Variants in OTULIN observed in about 807,000 individuals in gnomAD.
The protein encoded by OTULIN is ubiquitin thioesterase otulin.
A neutral mutation model predicts 39.6 loss-of-function variants in OTULIN; 15 were observed. The observed-to-expected ratio is 0.38, with a 90% CI of 0.25 to 0.58. OTULIN has a LOEUF of 0.58. OTULIN is among the 20% of genes least tolerant of loss of function. The pLI is 0.66. For missense variants in OTULIN, 319 were observed against 445.9 expected (o/e 0.72, Z 2.56); for synonymous variants, 156 against 170.3 (o/e 0.92, Z 0.65).
chr5:14,676,324 A>G (rs1285790039), intron 2 of OTULIN, among the ~76,000 whole-genome samples: 3 of 152,200 alleles, frequency 2.0e-5, no homozygotes, highest in Admixed American at 2.0e-4. Flanking sequence ...AACTAAAGAA[A>G]GTTGCTTTTG....
chr5:14,687,263 G>T (rs1227016347), intron 4 of OTULIN, among the ~76,000 whole-genome samples: 2 of 152,154 alleles, frequency 1.3e-5, no homozygotes, highest in Non-Finnish European at 2.9e-5. Context: ...CGTGGTTGGA[G>T]TCCTGCAAGG....
In OTULIN at chr5:14,666,165, T is replaced by G. The variant is rs558902170; in HGVS notation, c.152+1188T>G. Among the ~76,000 whole-genome samples the G allele has an allele frequency of 3.0e-3, 459 of 152,376 alleles. 1 individual carries two copies. Among genetic ancestry groups the G allele is most frequent in the Non-Finnish European group, 5.4e-3 (366 of 68,044 alleles). ...TTAATGCCCTGTCTCACGTGCTGCA[T>G]GCACCTCGGCCCCAGCTGTGTCATG... On this transcript the variant is annotated intron_variant, in intron 1 of 6. Coordinates refer to ENST00000284274, the MANE Select transcript of OTULIN (RefSeq NM_138348.6).
In OTULIN at chr5:14,696,700, G is replaced by A. The variant is rs998664609; in HGVS notation, c.*3652G>A. The A allele has an allele frequency of 6.6e-6, 1 of 151,956 alleles. No homozygotes were observed. The highest frequency in any genetic ancestry group is 1.5e-5 in the Non-Finnish European group (1 of 68,022). The allele number at this position is 151,956 out of a possible 1,614,324, so 9.4% of individuals were successfully genotyped here. A position where few individuals can be genotyped will look rare whatever the true frequency, so the allele number is the denominator to read the frequency against. The stretch of plus-strand genomic sequence containing the variant: ...GAATAAAAATCTGAATGAATGGAAG[G>A]CCTTACGTGTATACAGTTTACAAAT... On this transcript the variant is annotated 3_prime_UTR_variant, in exon 7 of 7. Coordinates refer to ENST00000284274, the MANE Select transcript of OTULIN (RefSeq NM_138348.6).
intron 4 of OTULIN, 54 bp from the exon 5 acceptor site, chr5:14,687,467 T>C: frequency 6.3e-7 from 1 of 1,580,002 alleles, no homozygotes; most frequent in Non-Finnish European, 8.6e-7. Context: ...GATTGTGTGG[T>C]GGATTTCTTG....
In OTULIN at chr5:14,698,068, A is replaced by G. The variant is rs1190399058; in HGVS notation, c.*5020A>G. ...AGTATTTGATAAAGGAACAAAGTCA[A>G]AATGAATGTATTTAATAAGCTTCTT... On this transcript the variant is annotated 3_prime_UTR_variant, in exon 7 of 7. Coordinates refer to ENST00000284274, the MANE Select transcript of OTULIN (RefSeq NM_138348.6). The G allele has an allele frequency of 2.6e-5, 4 of 152,256 alleles. No homozygotes were observed. Among genetic ancestry groups the G allele is most frequent in the African/African-American group, 9.6e-5 (4 of 41,472 alleles). 9.4% of individuals were successfully genotyped at this position (152,256 alleles called of 1,614,324 possible).
At chr5:14,707,516 GGA>G in the OTULIN span, 1 of 152,188 alleles carries the variant, frequency 6.6e-6, no homozygotes, top group Non-Finnish European at 1.5e-5. Flanking sequence ...ATTCCAACCA[GGA>G]GAGAGATCCA....
chr5:14,666,766 A>G (rs1735857743), intron 1 of OTULIN, among the ~76,000 whole-genome samples: 1 of 152,234 alleles, frequency 6.6e-6, no homozygotes, highest in South Asian at 2.1e-4. Flanking sequence ...CCTTTTAAAC[A>G]TCATGTCTCA....
chr5:14,688,524 G>A (rs2126329864), intron 5 of OTULIN, among the ~76,000 whole-genome samples: 1 of 152,282 alleles, frequency 6.6e-6, no homozygotes, highest in East Asian at 1.9e-4. Context: ...GCACATAATA[G>A]GTGTTCATTT....
the OTULIN span, chr5:14,706,622 T>A: frequency 6.6e-6 from 1 of 152,206 alleles, no homozygotes; most frequent in Non-Finnish European, 1.5e-5. Context: ...TTTCTCTCAT[T>A]TTGAACATTT....
intron 3 of OTULIN, 53 bp from the exon 4 acceptor site, chr5:14,681,411 T>C: frequency 6.5e-7 from 1 of 1,540,602 alleles, no homozygotes; most frequent in Admixed American, 2.0e-5. Flanking sequence ...AAACTTTCTC[T>C]GCTATCTCAA....
At chr5:14,711,036 C>A in the OTULIN span, 1 of 711,016 alleles carries the variant, frequency 1.4e-6, no homozygotes, top group South Asian at 1.5e-5. Flanking sequence ...TGAGCATACC[C>A]AGTATGCTAG....
At position 14,697,845 on chromosome 5, in the gene OTULIN, C is replaced by G. The variant is rs1437651449; in HGVS notation, c.*4797C>G. 6.6e-6 allele frequency: 1 copy of G among 152,166 alleles called. No individual in the cohort carries two copies. The highest frequency in any genetic ancestry group is 1.9e-4 in the East Asian group (1 of 5,188). 9.4% of individuals were successfully genotyped at this position (152,166 alleles called of 1,614,324 possible). A position where few individuals can be genotyped will look rare whatever the true frequency, so the allele number is the denominator to read the frequency against. ...GGGCTTAAAATGTCCACAGTCTTGG[C>G]AGTGGACTTGGCAGTTCTCCCAGTA... On this transcript the variant is annotated 3_prime_UTR_variant, in exon 7 of 7. Transcript: ENST00000284274.
At position 14,678,782 on chromosome 5, in the gene OTULIN, C is replaced by A; in HGVS notation, c.324+7C>A. The A allele has an allele frequency of 6.4e-7, 1 of 1,551,348 alleles. No homozygotes were observed. Among genetic ancestry groups the A allele is most frequent in the Non-Finnish European group, 8.7e-7 (1 of 1,142,886 alleles). The stretch of plus-strand genomic sequence containing the variant: ...AGCAACGTGTATGAAAATGGTATGA[C>A]ACAGAGGTGCACATATTTCAGGTCT... On this transcript the variant is annotated splice_region_variant and intron_variant, in intron 3 of 6. Coordinates refer to ENST00000284274, the MANE Select transcript of OTULIN (RefSeq NM_138348.6).
chr5:14,675,254 G>A (rs1026354631), intron 2 of OTULIN, among the ~76,000 whole-genome samples: 2 of 152,174 alleles, frequency 1.3e-5, no homozygotes, highest in Non-Finnish European at 2.9e-5. Context: ...ATGAACCTTA[G>A]AAGACCCTTG....
intron 2 of OTULIN, among the ~76,000 whole-genome samples, chr5:14,674,889 A>G (rs1413385648): frequency 1.3e-5 from 2 of 152,252 alleles, no homozygotes; most frequent in African/African-American, 4.8e-5. Context: ...GGAATTTAAC[A>G]ATGTGAATGC....
At chr5:14,673,396 A>C (rs549327622) in intron 1 of OTULIN, among the ~76,000 whole-genome samples, 1 of 152,364 alleles carries the variant, frequency 6.6e-6, no homozygotes, top group South Asian at 2.1e-4. Flanking sequence ...AGAGCTACCT[A>C]GCAAATGAAG....
chr5:14,686,394 G>A (rs567895333), intron 4 of OTULIN, among the ~76,000 whole-genome samples: 4 of 152,022 alleles, frequency 2.6e-5, no homozygotes, highest in Non-Finnish European at 2.9e-5. Context: ...TCAAACTCCC[G>A]GGCTCAAGTG....
rs555983042 is a variant in OTULIN at position 14,693,062 on chromosome 5, C to T, written c.*14C>T. 6.3e-7 allele frequency: 1 copy of T among 1,590,258 alleles called. No homozygotes were observed. Among genetic ancestry groups the T allele is most frequent in the Non-Finnish European group, 8.6e-7 (1 of 1,164,680 alleles). Reference sequence around the variant, plus strand: ...ACCAGTCTATGAGAGACGCATGCTCCTGACAGCCTGGCGACGTGGCGAAGA... The same window carrying T: ...ACCAGTCTATGAGAGACGCATGCTCTTGACAGCCTGGCGACGTGGCGAAGA... On this transcript the variant is annotated 3_prime_UTR_variant, in exon 7 of 7. Transcript: ENST00000284274.
intron 4 of OTULIN, among the ~76,000 whole-genome samples, chr5:14,682,507 CAA>C (rs887192677): frequency 5.3e-5 from 8 of 151,664 alleles, no homozygotes; most frequent in African/African-American, 1.9e-4. Context: ...AAAAAAATGA[CAA>C]TATGACATTA....
Sources: gnomAD v4.1 joint callset for allele counts (sites outside exome capture counted in the v4.1 genomes callset) on GRCh38, gnomAD v4.1.1 for gene constraint, MANE v1.5 for transcripts, NCBI Gene and HGNC (gene_info 2026-07-23, HGNC 2026-07-21) for gene names.